The following IFT81 variants were observed in gnomAD, a reference collection of about 807,000 sequenced individuals.
The protein encoded by IFT81 is intraflagellar transport 81.
Under a neutral mutation model 102.6 loss-of-function variants are expected in IFT81, and 72 were observed. The ratio of observed to expected loss-of-function variants is 0.70; its 90% confidence interval spans 0.58 to 0.85. IFT81 has a LOEUF of 0.85. IFT81 is among the 40% of genes least tolerant of loss of function. IFT81 has a pLI of 0.00. For missense variants in IFT81, 723 were observed against 787.3 expected, an observed-to-expected ratio of 0.92 and a Z score of 0.98; for synonymous variants, 237 against 242.7, an observed-to-expected ratio of 0.98 and a Z score of 0.22.
chr12:110,208,318 C>T (rs560055082), intron 17 of IFT81, among the ~76,000 whole-genome samples: 2 of 152,226 alleles, frequency 1.3e-5, no homozygotes, highest in South Asian at 4.1e-4. Context: ...GCCTGGGCAA[C>T]ATGGCAAAAC....
intron 17 of IFT81, among the ~76,000 whole-genome samples, chr12:110,207,644 C>T (rs1473662612): frequency 5.5e-5 from 8 of 145,374 alleles, no homozygotes; most frequent in Non-Finnish European, 9.0e-5. Flanking sequence ...CTCACTGCAA[C>T]CTCCGCCTCC....
rs114854667 is a variant in IFT81 at position 110,176,604 on chromosome 12, A to G, written c.1189-3818A>G. Among the ~76,000 whole-genome samples the G allele has an allele frequency of 6.1e-3, 922 of 152,316 alleles. 14 individuals are homozygous for G. The highest frequency in any genetic ancestry group is 0.02 in the African/African-American group (849 of 41,560). On this transcript the variant is annotated intron_variant, in intron 11 of 18. Coordinates refer to ENST00000242591, the MANE Select transcript of IFT81 (RefSeq NM_014055.4). ...AAAAATAACCTAAAATCCAAATGAT[A>G]ATTAAAAGAAACCACCAATGGAAGA...
At chr12:110,190,320 C>G (rs968605210) in intron 12 of IFT81, among the ~76,000 whole-genome samples, 12 of 152,156 alleles carry the variant, frequency 7.9e-5, no homozygotes, top group African/African-American at 2.9e-4. Context: ...CAAGTTTGCT[C>G]CCAGCTTTTG....
intron 10 of IFT81, among the ~76,000 whole-genome samples, chr12:110,150,522 T>C (rs1732529951): frequency 6.6e-6 from 1 of 152,242 alleles, no homozygotes; most frequent in African/African-American, 2.4e-5. Context: ...TTACTTAGTC[T>C]CGTCAATCTC....
At chr12:110,188,933 A>G (rs1002627333) in intron 12 of IFT81, among the ~76,000 whole-genome samples, 13 of 152,070 alleles carry the variant, frequency 8.5e-5, no homozygotes, top group Middle Eastern at 3.2e-3. Context: ...CGTCTCAAAA[A>G]AAAAAAAAAG....
chr12:110,186,808 A>C (rs1481470831), intron 12 of IFT81, among the ~76,000 whole-genome samples: 1 of 152,156 alleles, frequency 6.6e-6, no homozygotes, highest in Admixed American at 6.6e-5. Flanking sequence ...GCTTACAGGC[A>C]TGAGCCACCA....
At chr12:110,190,558 T>C (rs1010266088) in intron 12 of IFT81, among the ~76,000 whole-genome samples, 2 of 152,328 alleles carry the variant, frequency 1.3e-5, no homozygotes, top group East Asian at 3.9e-4. Flanking sequence ...AGAACTGTGA[T>C]TGGCACATTT....
intron 3 of IFT81, among the ~76,000 whole-genome samples, chr12:110,128,665 T>G (rs1282656037): frequency 6.6e-6 from 1 of 151,204 alleles, no homozygotes; most frequent in Non-Finnish European, 1.5e-5. Flanking sequence ...GGCATGGTGG[T>G]TGGTGCCTCT....
In IFT81 at chr12:110,179,757, T is replaced by C. The variant is rs1267928661; in HGVS notation, c.1189-665T>C. ...ATATATATATATATATATATATATA[T>C]ATATATATATATATATACACACACA... On this transcript the variant is annotated intron_variant, in intron 11 of 18. Transcript: ENST00000242591. Among the ~76,000 whole-genome samples the C allele has an allele frequency of 2.1e-3, 126 of 61,200 alleles. 3 individuals carry two copies. The highest frequency in any genetic ancestry group is 0.011 in the African/African-American group (119 of 11,262). 40.1% of individuals were successfully genotyped at this position (61,200 alleles called of 152,430 possible).
intron 13 of IFT81, among the ~76,000 whole-genome samples, chr12:110,191,491 C>T (rs1897794601): frequency 6.6e-6 from 1 of 152,038 alleles, no homozygotes; most frequent in African/African-American, 2.4e-5. Context: ...TTATCAATCT[C>T]TTTTGAATTT....
intron 8 of IFT81, among the ~76,000 whole-genome samples, chr12:110,139,045 A>G (rs1482019430): frequency 2.6e-5 from 4 of 152,068 alleles, no homozygotes; most frequent in African/African-American, 9.7e-5. Flanking sequence ...CATATAATAA[A>G]CCACACAAAC....
intron 15 of IFT81, 187 bp downstream of exon 15, chr12:110,204,137 A>AG (rs1189870233): frequency 2.0e-6 from 1 of 504,052 alleles, no homozygotes; most frequent in East Asian, 3.2e-5. Context: ...CTCTAAAAAA[A>AG]ATGTTTTAAA....
chr12:110,182,098 TCTCTGGAGAAAGGGGTAA>T (rs1897329689), intron 12 of IFT81, among the ~76,000 whole-genome samples: 1 of 152,168 alleles, frequency 6.6e-6, no homozygotes, highest in Non-Finnish European at 1.5e-5. Flanking sequence ...CTGAGGGCAC[TCTCTGGAGAAAGGGGTAA>T]CTATGAGCTA....
chr12:110,153,282 T>C (rs999310427), intron 10 of IFT81, among the ~76,000 whole-genome samples: 8 of 152,266 alleles, frequency 5.3e-5, no homozygotes, highest in Non-Finnish European at 1.2e-4. Flanking sequence ...TTGCCCAGGC[T>C]GGAGTGCAAT....
At chr12:110,197,209 T>C (rs533868424) in intron 14 of IFT81, among the ~76,000 whole-genome samples, 1 of 151,622 alleles carries the variant, frequency 6.6e-6, no homozygotes, top group African/African-American at 2.4e-5. Context: ...GGTAGATAGA[T>C]AGATAGGTGA....
intron 18 of IFT81, among the ~76,000 whole-genome samples, chr12:110,211,433 T>C (rs544410086): frequency 1.4e-4 from 22 of 152,030 alleles, no homozygotes; most frequent in Admixed American, 3.9e-4. Context: ...CCTCATGATC[T>C]GCCCACCTCA....
chr12:110,215,664 G>A lies in IFT81; in HGVS notation c.1849-2380G>A, dbSNP rs185258082. Among the ~76,000 whole-genome samples, 30 of 150,976 alleles carry A rather than the reference G, an allele frequency of 2.0e-4. No homozygotes were observed. The South Asian group carries it at 5.1e-3, about 25-fold the overall frequency. On this transcript the variant is annotated intron_variant, in intron 18 of 18. Coordinates refer to ENST00000242591, the MANE Select transcript of IFT81 (RefSeq NM_014055.4). The stretch of plus-strand genomic sequence containing the variant: ...ATTTTTTTTTTGTAGAGACAGGGGC[G>A]TCTCACTTTGTTGCCCAGGCTGGAT...
chr12:110,199,639 G>A (rs1196628087), intron 14 of IFT81, among the ~76,000 whole-genome samples: 1 of 152,144 alleles, frequency 6.6e-6, no homozygotes, highest in African/African-American at 2.4e-5. Context: ...TTCCCACTTT[G>A]GATGTGACTT....
chr12:110,197,445 C>CTT (rs199692035), intron 14 of IFT81, among the ~76,000 whole-genome samples: 9 of 132,400 alleles, frequency 6.8e-5, no homozygotes, highest in Non-Finnish European at 1.3e-4. Context: ...TTTCTCTTTG[C>CTT]TTTTTTTTTT....
Sources: gnomAD v4.1 joint callset for allele counts (sites outside exome capture counted in the v4.1 genomes callset) on GRCh38, gnomAD v4.1.1 for gene constraint, MANE v1.5 for transcripts, NCBI Gene and HGNC (gene_info 2026-07-23, HGNC 2026-07-21) for gene names.